The following MAML2 variants were observed in gnomAD, a reference collection of about 807,000 sequenced individuals.
MAML2 encodes mastermind like transcriptional coactivator 2, also known as mastermind-like protein 2.
A neutral mutation model predicts 96.1 loss-of-function variants in MAML2; 22 were observed. The observed-to-expected ratio is 0.23, with a 90% CI of 0.16 to 0.33. MAML2 has a LOEUF of 0.33. Ranked by LOEUF, MAML2 falls within the 10% of genes least tolerant of loss-of-function variation. MAML2 has a pLI of 1.00. For synonymous variants in MAML2, 561 were observed against 521.3 expected, an observed-to-expected ratio of 1.08 and a Z score of -1.04; for missense variants, 1,367 against 1,392.4, an observed-to-expected ratio of 0.98 and a Z score of 0.29.
At chr11:96,192,361 T>C (rs1861665778) in intron 1 of MAML2, among the ~76,000 whole-genome samples, 1 of 152,238 alleles carries the variant, frequency 6.6e-6, no homozygotes, top group Non-Finnish European at 1.5e-5. Flanking sequence ...ACAAGGAACG[T>C]CACTGTGACA....
intron 1 of MAML2, among the ~76,000 whole-genome samples, chr11:96,211,642 A>T (rs1040948730): frequency 1.3e-5 from 2 of 152,142 alleles, no homozygotes; most frequent in African/African-American, 4.8e-5. Context: ...ATCTGATGTC[A>T]GGCAAGTACT....
At position 96,328,271 on chromosome 11, in the gene MAML2, A is replaced by G. The variant is rs543607971; in HGVS notation, c.513+13112T>C. On this transcript the variant is annotated intron_variant, in intron 1 of 4. Transcript: ENST00000524717. ...TTTTTAAAAAGAAAAGCCATGTTGCATAACACCAAGATATTTTCACCTAAA... is the reference window on the plus strand; with the variant it reads ...TTTTTAAAAAGAAAAGCCATGTTGCGTAACACCAAGATATTTTCACCTAAA... Among the ~76,000 whole-genome samples, 9 of 152,344 alleles carry G rather than the reference A, an allele frequency of 5.9e-5. No individual in the cohort carries two copies. In the South Asian group the frequency reaches 8.3e-4, roughly 14 times the overall value.
chr11:96,059,677 C>T (rs1362079362), intron 2 of MAML2, among the ~76,000 whole-genome samples: 1 of 152,102 alleles, frequency 6.6e-6, no homozygotes, highest in Non-Finnish European at 1.5e-5. Flanking sequence ...AATCTGAAAA[C>T]CAAAATGCTC....
intron 1 of MAML2, among the ~76,000 whole-genome samples, chr11:96,200,362 G>A (rs1452543832): frequency 6.6e-6 from 1 of 152,180 alleles, no homozygotes; most frequent in Non-Finnish European, 1.5e-5. Context: ...GAGATTCCAT[G>A]TCCATTTCTT....
intron 1 of MAML2, among the ~76,000 whole-genome samples, chr11:96,303,564 A>T (rs503140): frequency 0.86 from 131,349 of 152,140 alleles, 56,908 homozygotes; most frequent in African/African-American, 0.93. Flanking sequence ...TAAATTTTTT[A>T]TAATAAAAGA....
intron 1 of MAML2, among the ~76,000 whole-genome samples, chr11:96,162,176 CTTTT>C (rs36006515): frequency 0.012 from 1,321 of 105,912 alleles, 13 homozygotes; most frequent in African/African-American, 0.028. Context: ...ATCAATCTAA[CTTTT>C]TTTTTTTTTT....
intron 1 of MAML2, among the ~76,000 whole-genome samples, chr11:96,208,073 T>G (rs1047241742): frequency 6.6e-6 from 1 of 152,224 alleles, no homozygotes; most frequent in Non-Finnish European, 1.5e-5. Context: ...CATTTTTTGC[T>G]GCAGTGATTT....
At chr11:96,334,132 T>C (rs1272593977) in intron 1 of MAML2, among the ~76,000 whole-genome samples, 1 of 152,202 alleles carries the variant, frequency 6.6e-6, no homozygotes, top group Non-Finnish European at 1.5e-5. Flanking sequence ...TGTCTCCATA[T>C]TCAACTATTG....
At chr11:96,167,191 A>G (rs1309590127) in intron 1 of MAML2, among the ~76,000 whole-genome samples, 1 of 152,184 alleles carries the variant, frequency 6.6e-6, no homozygotes, top group Non-Finnish European at 1.5e-5. Context: ...GTTAGAAAAT[A>G]AAGTCTAATC....
At position 95,977,554 on chromosome 11, in the gene MAML2, C is replaced by A; in HGVS notation, c.*1394G>T. ...GAAAGGGCTGAAGATAACCTTTGCT[C>A]CTCTGTAATTAGGAAAATGATAGTG... is the stretch of plus-strand genomic sequence containing the variant. On this transcript the variant is annotated 3_prime_UTR_variant, in exon 5 of 5. Coordinates refer to ENST00000524717, the MANE Select transcript of MAML2 (RefSeq NM_032427.4). 1 of 206,136 alleles carries A rather than the reference C, an allele frequency of 4.9e-6. No homozygotes were observed. Among genetic ancestry groups the A allele is most frequent in the Non-Finnish European group, 9.9e-6 (1 of 100,818 alleles). The allele number at this position is 206,136 out of a possible 1,614,324, so 12.8% of individuals were successfully genotyped here.
intron 1 of MAML2, among the ~76,000 whole-genome samples, chr11:96,216,365 C>A (rs1414927239): frequency 1.3e-5 from 2 of 152,168 alleles, no homozygotes; most frequent in Non-Finnish European, 2.9e-5. Flanking sequence ...TGCTTTCTTC[C>A]ATTTTAATGC....
intron 1 of MAML2, among the ~76,000 whole-genome samples, chr11:96,229,143 T>A (rs112843674): frequency 3.9e-5 from 6 of 152,112 alleles, no homozygotes; most frequent in African/African-American, 1.4e-4. Context: ...CTTAAGAATG[T>A]CTGAACAAAA....
At chr11:96,327,503 C>G (rs959811454) in intron 1 of MAML2, among the ~76,000 whole-genome samples, 5 of 152,084 alleles carry the variant, frequency 3.3e-5, no homozygotes, top group Admixed American at 3.3e-4. Context: ...TCTCGGCTCA[C>G]GGCAACCTCT....
chr11:96,002,744 C>G (rs12788172), intron 2 of MAML2, among the ~76,000 whole-genome samples: 136,848 of 138,012 alleles, frequency 0.99, 67,843 homozygotes, highest in Middle Eastern at 1. Flanking sequence ...GAAAGATGAT[C>G]GGGATGATGA....
At chr11:96,139,529 T>C (rs1210517270) in intron 1 of MAML2, among the ~76,000 whole-genome samples, 1 of 98,684 alleles carries the variant, frequency 1.0e-5, no homozygotes. Context: ...AAATACTTGA[T>C]ATATAACAGT....
intron 1 of MAML2, among the ~76,000 whole-genome samples, chr11:96,207,753 A>G (rs1269561813): frequency 2.6e-5 from 4 of 152,236 alleles, no homozygotes; most frequent in Non-Finnish European, 5.9e-5. Context: ...TATCACACCA[A>G]CTAATCCAAG....
At chr11:96,275,471 G>A (rs907615564) in intron 1 of MAML2, among the ~76,000 whole-genome samples, 8 of 151,720 alleles carry the variant, frequency 5.3e-5, no homozygotes, top group Non-Finnish European at 7.4e-5. Flanking sequence ...AGAGATGGCC[G>A]TGTTAGCCAG....
At chr11:96,198,033 G>C (rs1206787991) in intron 1 of MAML2, among the ~76,000 whole-genome samples, 1 of 152,238 alleles carries the variant, frequency 6.6e-6, no homozygotes, top group Admixed American at 6.5e-5. Context: ...GAGGAACTGA[G>C]AGATTGGCAG....
At chr11:96,225,127 C>T (rs1332738381) in intron 1 of MAML2, among the ~76,000 whole-genome samples, 2 of 152,144 alleles carry the variant, frequency 1.3e-5, no homozygotes, top group Non-Finnish European at 2.9e-5. Context: ...GTGAAAACTA[C>T]CTTCTTCCTG....
Sources: gnomAD v4.1 joint callset for allele counts (sites outside exome capture counted in the v4.1 genomes callset) on GRCh38, gnomAD v4.1.1 for gene constraint, MANE v1.5 for transcripts, NCBI Gene and HGNC (gene_info 2026-07-23, HGNC 2026-07-21) for gene names.